NYAP2: variants seen among roughly 807,000 people sequenced by gnomAD.
NYAP2 encodes the protein neuronal tyrosine-phosphorylated phosphoinositide-3-kinase adapter 2.
In NYAP2, 23 loss-of-function variants were observed where a neutral mutation model predicts 50.4. That is an observed-to-expected ratio of 0.46 (90% CI 0.33 to 0.65). The LOEUF (loss-of-function observed/expected upper bound fraction) is 0.65, where lower values mean the gene tolerates loss of function less well. Ranked by LOEUF, NYAP2 falls within the 30% of genes least tolerant of loss-of-function variation. The probability of loss-of-function intolerance (pLI) is 0.02; values close to 1 mark genes in which losing one functional copy is unlikely to be tolerated. For synonymous variants in NYAP2, 394 were observed against 365.2 expected (o/e 1.08, Z -0.90); for missense variants, 885 against 861.0 (o/e 1.03, Z -0.35).
chr2:225,440,598 G>A (rs1286471721), intron 3 of NYAP2, among the ~76,000 whole-genome samples: 1 of 152,124 alleles, frequency 6.6e-6, no homozygotes, highest in Non-Finnish European at 1.5e-5. Flanking sequence ...AGACTTAAGA[G>A]CAAGAGGAAT....
intron 6 of NYAP2, among the ~76,000 whole-genome samples, chr2:225,647,140 C>A (rs2106269942): frequency 6.6e-6 from 1 of 151,766 alleles, no homozygotes; most frequent in South Asian, 2.1e-4. Flanking sequence ...ATTTGTCATC[C>A]TTTTCTAGGA....
At chr2:225,641,422 AACACACACACACACACACACACAC>A (rs56041107) in intron 6 of NYAP2, among the ~76,000 whole-genome samples, 1 of 133,652 alleles carries the variant, frequency 7.5e-6, no homozygotes, top group Admixed American at 7.5e-5. Flanking sequence ...CAATCCCTCA[AACACACACACACACACACACACAC>A]ACACACACAC....
the NYAP2 span, among the ~76,000 whole-genome samples, chr2:225,675,391 G>T: frequency 6.6e-6 from 1 of 152,212 alleles, no homozygotes; most frequent in Non-Finnish European, 1.5e-5. Context: ...GTGAGAACAT[G>T]CAATATTTGA....
chr2:225,687,669 A>C, the NYAP2 span, among the ~76,000 whole-genome samples: 2 of 152,352 alleles, frequency 1.3e-5, no homozygotes, highest in East Asian at 1.9e-4. Context: ...GTAAATATGC[A>C]TAGAGATACA....
chr2:225,503,717 G>A (rs1485170878), intron 3 of NYAP2, among the ~76,000 whole-genome samples: 6 of 152,116 alleles, frequency 3.9e-5, no homozygotes, highest in Non-Finnish European at 8.8e-5. Context: ...TGTTTTTCAA[G>A]CATAACTCCC....
the NYAP2 span, among the ~76,000 whole-genome samples, chr2:225,678,110 T>C: frequency 2.0e-5 from 3 of 152,118 alleles, no homozygotes; most frequent in Non-Finnish European, 2.9e-5. Flanking sequence ...TATTGGTCTA[T>C]TCAGGTTTTC....
intron 3 of NYAP2, among the ~76,000 whole-genome samples, chr2:225,424,211 C>T (rs1695254889): frequency 6.6e-6 from 1 of 152,066 alleles, no homozygotes; most frequent in Non-Finnish European, 1.5e-5. Context: ...AATGTGATAG[C>T]AGGACAATGA....
chr2:225,403,389 C>A (rs1694893403), intron 2 of NYAP2, among the ~76,000 whole-genome samples: 1 of 151,988 alleles, frequency 6.6e-6, no homozygotes, highest in Non-Finnish European at 1.5e-5. Flanking sequence ...AGGTTTCCAT[C>A]AGGACATTTG....
At chr2:225,643,314 A>T (rs189296376) in intron 6 of NYAP2, among the ~76,000 whole-genome samples, 1 of 152,212 alleles carries the variant, frequency 6.6e-6, no homozygotes, top group Non-Finnish European at 1.5e-5. Flanking sequence ...TTTTGAAAGG[A>T]TTTCCCATGT....
At chr2:225,660,826 T>G in the NYAP2 span, among the ~76,000 whole-genome samples, 1 of 152,196 alleles carries the variant, frequency 6.6e-6, no homozygotes, top group African/African-American at 2.4e-5. Flanking sequence ...GTTACTTTAA[T>G]CTTGCAATTT....
intron 4 of NYAP2, among the ~76,000 whole-genome samples, chr2:225,537,174 T>C (rs1691367030): frequency 6.6e-6 from 1 of 151,896 alleles, no homozygotes; most frequent in Admixed American, 6.6e-5. Flanking sequence ...TCTTCCCTTC[T>C]CTCTCTGTCT....
Position 225,651,850 on chromosome 2 carries a change from CT to C in NYAP2, c.*291del, listed in dbSNP as rs78349464. ...TACTATATGTATTGGCTTAGTGGTT[CT>C]TTTTTAAATTCTTTCTCTCTTTCAT... is the stretch of plus-strand genomic sequence containing the variant. On this transcript the variant is annotated 3_prime_UTR_variant, in exon 7 of 7. Coordinates refer to ENST00000636099, the Ensembl canonical transcript of NYAP2. 2.8e-3 allele frequency: 786 copies of C among 282,238 alleles called. 21 individuals carry two copies. The East Asian group carries it at 0.051, about 18-fold the overall frequency. The allele number at this position is 282,238 out of a possible 1,614,324, so 17.5% of individuals were successfully genotyped here. A position where few individuals can be genotyped will look rare whatever the true frequency, so the allele number is the denominator to read the frequency against.
At chr2:225,403,644 A>G (rs1165018507) in intron 2 of NYAP2, among the ~76,000 whole-genome samples, 3 of 151,938 alleles carry the variant, frequency 2.0e-5, no homozygotes, top group African/African-American at 4.8e-5. Context: ...GAGGTGTCAC[A>G]ACTTTATATC....
chr2:225,632,536 A>G (rs1160710870), intron 6 of NYAP2, among the ~76,000 whole-genome samples: 1 of 152,224 alleles, frequency 6.6e-6, no homozygotes, highest in African/African-American at 2.4e-5. Context: ...AGTAAAGCAA[A>G]TGTGTCAGGA....
chr2:225,610,946 A>G (rs1692870991), intron 5 of NYAP2, among the ~76,000 whole-genome samples: 1 of 152,236 alleles, frequency 6.6e-6, no homozygotes, highest in Admixed American at 6.5e-5. Flanking sequence ...TTTGTTAAGA[A>G]CATCTATACT....
rs143281315 is a variant in NYAP2 at position 225,538,752 on chromosome 2, A to ATTTTCTTTTC, written c.523+25104_523+25113dup. 3.6e-3 allele frequency among the ~76,000 whole-genome samples: 443 copies of ATTTTCTTTTC among 124,044 alleles called. 22 individuals carry two copies. The highest frequency in any genetic ancestry group is 5.2e-3 in the African/African-American group (164 of 31,640). The allele number at this position is 124,044 out of a possible 152,430, so 81.4% of individuals were successfully genotyped here. ...CTTGAATTTCTCCTCAGAAAATGAG[A>ATTTTCTTTTC]TTTTCTTTTCTTTTCTTTTCTTTTC... On this transcript the variant is annotated intron_variant, in intron 4 of 6. Transcript: ENST00000636099.
At chr2:225,476,797 CT>C (rs1225186643) in intron 3 of NYAP2, among the ~76,000 whole-genome samples, 3 of 152,010 alleles carry the variant, frequency 2.0e-5, no homozygotes, top group African/African-American at 7.3e-5. Context: ...ACCTAAGTAA[CT>C]TTAAGATACA....
rs138693735 is a variant in NYAP2 at position 225,469,116 on chromosome 2, C to T, written c.222-44255C>T. Among the ~76,000 whole-genome samples the T allele has an allele frequency of 2.7e-3, 406 of 152,184 alleles. 3 individuals are homozygous for T. Among genetic ancestry groups the T allele is most frequent in the African/African-American group, 8.6e-3 (355 of 41,520 alleles). On this transcript the variant is annotated intron_variant, in intron 3 of 6. Transcript: ENST00000636099. ...TGGGAGAAAATTTTAGCAATCTATC[C>T]GTCTGACAAAGGGCTAATATCCAGA... is the stretch of plus-strand genomic sequence containing the variant.
chr2:225,645,125 G>T (rs1271206553), intron 6 of NYAP2, among the ~76,000 whole-genome samples: 1 of 151,922 alleles, frequency 6.6e-6, no homozygotes, highest in African/African-American at 2.4e-5. Flanking sequence ...GTCCATGGTG[G>T]CATGCACCTA....
Sources: gnomAD v4.1 joint callset for allele counts (sites outside exome capture counted in the v4.1 genomes callset) on GRCh38, gnomAD v4.1.1 for gene constraint, MANE v1.5 for transcripts, NCBI Gene and HGNC (gene_info 2026-07-23, HGNC 2026-07-21) for gene names.